The following PLCL1 variants were observed in gnomAD, a reference collection of about 807,000 sequenced individuals.
The protein encoded by PLCL1 is phospholipase C like 1 (inactive), also known as inactive phospholipase C-like protein 1.
PLCL1 carries 41 observed loss-of-function variants against 84.4 expected under a neutral mutation model. The observed-to-expected ratio is 0.49, with a 90% CI of 0.38 to 0.63. The LOEUF (loss-of-function observed/expected upper bound fraction) is 0.63. Among genes scored for constraint, PLCL1 ranks in the 30% least tolerant of loss-of-function variants. The probability of loss-of-function intolerance (pLI) is 0.00; values close to 1 mark genes in which losing one functional copy is unlikely to be tolerated. For missense variants in PLCL1, 1,206 were observed against 1,367.8 expected, an observed-to-expected ratio of 0.88 and a Z score of 1.87; for synonymous variants, 490 against 488.3, an observed-to-expected ratio of 1.00 and a Z score of -0.05.
chr2:197,974,494 A>G (rs1689928527), intron 1 of PLCL1, among the ~76,000 whole-genome samples: 1 of 152,224 alleles, frequency 6.6e-6, no homozygotes. Flanking sequence ...TTTTCAGGCA[A>G]TTAGAATAAC....
At chr2:197,886,411 CAAAA>C (rs61183744) in intron 1 of PLCL1, among the ~76,000 whole-genome samples, 1 of 77,084 alleles carries the variant, frequency 1.3e-5, no homozygotes, top group Non-Finnish European at 2.7e-5. Flanking sequence ...GACTCTGTCT[CAAAA>C]AAAAAAAAAA....
At chr2:197,967,068 C>G (rs1000198988) in intron 1 of PLCL1, among the ~76,000 whole-genome samples, 7 of 152,094 alleles carry the variant, frequency 4.6e-5, no homozygotes, top group African/African-American at 1.7e-4. Flanking sequence ...GCTGCTCCAG[C>G]TCAGAGACTA....
At chr2:198,089,944 A>C (rs1412489021) in intron 3 of PLCL1, among the ~76,000 whole-genome samples, 2 of 152,214 alleles carry the variant, frequency 1.3e-5, no homozygotes, top group Non-Finnish European at 1.5e-5. Context: ...ACCTCTGATC[A>C]AGAATTTAAG....
chr2:198,086,291 T>C (rs1692880264), intron 2 of PLCL1, 59 bp downstream of exon 2: 5 of 1,213,540 alleles, frequency 4.1e-6, no homozygotes, highest in Non-Finnish European at 5.8e-6. Context: ...CCGTATAATG[T>C]TTTATTAATA....
At chr2:197,978,436 G>T (rs140038339) in intron 1 of PLCL1, among the ~76,000 whole-genome samples, 193 of 152,192 alleles carry the variant, frequency 1.3e-3, no homozygotes, top group East Asian at 3.5e-3. Context: ...CGAGATGGCG[G>T]CACTGCACTC....
At chr2:198,076,365 T>G (rs750306244) in intron 1 of PLCL1, among the ~76,000 whole-genome samples, 2 of 152,216 alleles carry the variant, frequency 1.3e-5, no homozygotes, top group African/African-American at 2.4e-5. Context: ...ATGGCTTTAG[T>G]GCGTTTTATT....
intron 1 of PLCL1, among the ~76,000 whole-genome samples, chr2:197,911,822 G>A (rs2341778): frequency 0.27 from 41,359 of 152,026 alleles, 6,706 homozygotes; most frequent in East Asian, 0.5. Flanking sequence ...CTTTTGTCCC[G>A]AGTTCCAGTT....
chr2:197,915,982 A>G (rs1213140117), intron 1 of PLCL1, among the ~76,000 whole-genome samples: 1 of 152,224 alleles, frequency 6.6e-6, no homozygotes, highest in African/African-American at 2.4e-5. Flanking sequence ...TATAACTAAG[A>G]GCCTGGTAGG....
At position 197,955,411 on chromosome 2, in the gene PLCL1, A is replaced by T. The variant is rs75651330; in HGVS notation, c.241-128347A>T. Among the ~76,000 whole-genome samples the T allele has an allele frequency of 9.8e-3, 1,449 of 147,946 alleles. 27 individuals are homozygous for T. The highest frequency in any genetic ancestry group is 0.034 in the African/African-American group (1,376 of 40,718). ...CTACTTTATTTTTATTTTTTATCTA[A>T]TTTTTTTCTTTATTTCTTCTAAAAA... On this transcript the variant is annotated intron_variant, in intron 1 of 5. Transcript: ENST00000428675.
chr2:198,012,911 A>C (rs150336294), intron 1 of PLCL1, among the ~76,000 whole-genome samples: 189 of 152,148 alleles, frequency 1.2e-3, no homozygotes, highest in Non-Finnish European at 2.3e-3. Flanking sequence ...AACATCTTAA[A>C]ATTATGACAC....
At chr2:197,939,563 C>T (rs75412501) in intron 1 of PLCL1, among the ~76,000 whole-genome samples, 2 of 152,162 alleles carry the variant, frequency 1.3e-5, no homozygotes, top group East Asian at 3.9e-4. Flanking sequence ...GTGGTCTTCC[C>T]TCTGTACCCA....
rs114223936 is a variant in PLCL1, at chr2:198,040,051, A to C, written c.241-43707A>C. ...ACATTTTGTCCGAAGTAGGGCAATA[A>C]ATTATGTCTTAAATACGACTTGATA... On this transcript the variant is annotated intron_variant, in intron 1 of 5. Coordinates refer to ENST00000428675, the MANE Select transcript of PLCL1 (RefSeq NM_006226.4). Among the ~76,000 whole-genome samples, 415 of 152,294 alleles carry C rather than the reference A, an allele frequency of 2.7e-3. 4 individuals carry two copies. Among genetic ancestry groups the C allele is most frequent in the African/African-American group, 9.5e-3 (395 of 41,570 alleles).
chr2:197,940,830 C>T (rs1559051428), intron 1 of PLCL1, among the ~76,000 whole-genome samples: 1 of 152,038 alleles, frequency 6.6e-6, no homozygotes, highest in Non-Finnish European at 1.5e-5. Flanking sequence ...ATTTTAAATA[C>T]TATGATTTCT....
intron 1 of PLCL1, among the ~76,000 whole-genome samples, chr2:197,823,522 T>C (rs1690859674): frequency 6.6e-6 from 1 of 152,162 alleles, no homozygotes; most frequent in African/African-American, 2.4e-5. Flanking sequence ...GAAAGAATTG[T>C]CAGGACTTCT....
intron 1 of PLCL1, among the ~76,000 whole-genome samples, chr2:197,902,683 G>T (rs1688290419): frequency 6.6e-6 from 1 of 152,272 alleles, no homozygotes; most frequent in Non-Finnish European, 1.5e-5. Flanking sequence ...CAAATGCCAG[G>T]CTTTTCCATG....
chr2:198,064,978 G>T (rs1363163536), intron 1 of PLCL1, among the ~76,000 whole-genome samples: 1 of 152,080 alleles, frequency 6.6e-6, no homozygotes. Flanking sequence ...TACAGAATAA[G>T]ACTGAGGGGC....
chr2:198,021,568 A>G (rs930612780), intron 1 of PLCL1, among the ~76,000 whole-genome samples: 1 of 152,246 alleles, frequency 6.6e-6, no homozygotes, highest in Non-Finnish European at 1.5e-5. Context: ...GGAGATCACC[A>G]CTGGTCCCAC....
intron 1 of PLCL1, among the ~76,000 whole-genome samples, chr2:197,915,280 G>T (rs1458570193): frequency 6.6e-6 from 1 of 152,164 alleles, no homozygotes; most frequent in Non-Finnish European, 1.5e-5. Flanking sequence ...AGAAGTGATA[G>T]CGGTGTCAAC....
chr2:198,020,672 G>A (rs993062164), intron 1 of PLCL1, among the ~76,000 whole-genome samples: 8 of 152,234 alleles, frequency 5.3e-5, no homozygotes, highest in African/African-American at 1.9e-4. Context: ...TAATGGTAAA[G>A]GGATCAATGC....
Sources: gnomAD v4.1 joint callset for allele counts (sites outside exome capture counted in the v4.1 genomes callset) on GRCh38, gnomAD v4.1.1 for gene constraint, MANE v1.5 for transcripts, NCBI Gene and HGNC (gene_info 2026-07-23, HGNC 2026-07-21) for gene names.